The following CBX3 variants were observed in gnomAD, a reference collection of about 807,000 sequenced individuals.
CBX3 encodes chromobox protein homolog 3.
A neutral mutation model predicts 22.6 loss-of-function variants in CBX3; 5 were observed. That is an observed-to-expected ratio of 0.22 (90% CI 0.12 to 0.47). The LOEUF is 0.47. Ranked by LOEUF, CBX3 falls within the 20% of genes least tolerant of loss-of-function variation. The probability of loss-of-function intolerance (pLI) is 0.99; values close to 1 mark genes in which losing one functional copy is unlikely to be tolerated. For missense variants in CBX3, 83 were observed against 208.1 expected (o/e 0.40, Z 3.70); for synonymous variants, 50 against 66.6 (o/e 0.75, Z 1.21).
At chr7:26,203,516 A>G (rs575001172) in intron 2 of CBX3, among the ~76,000 whole-genome samples, 1 of 152,108 alleles carries the variant, frequency 6.6e-6, no homozygotes, top group South Asian at 2.1e-4. Flanking sequence ...TAAAACATAG[A>G]AGAATATTAA....
intron 2 of CBX3, among the ~76,000 whole-genome samples, chr7:26,205,710 C>T (rs950597518): frequency 6.6e-6 from 1 of 152,182 alleles, no homozygotes; most frequent in Non-Finnish European, 1.5e-5. Context: ...ACTTGCTTCT[C>T]TGTATCACCC....
chr7:26,208,309 G>A, intron 3 of CBX3, 84 bp from the exon 4 acceptor site: 2 of 1,108,296 alleles, frequency 1.8e-6, no homozygotes, highest in South Asian at 1.7e-5. Context: ...ATTCCCCCGG[G>A]TGTCTATTAA....
intron 2 of CBX3, among the ~76,000 whole-genome samples, chr7:26,204,121 A>G (rs1290489010): frequency 6.6e-6 from 1 of 152,234 alleles, no homozygotes; most frequent in Non-Finnish European, 1.5e-5. Flanking sequence ...ACTTTTGGAA[A>G]AAAGTGCTGG....
chr7:26,208,330 G>C, intron 3 of CBX3, 63 bp from the exon 4 acceptor site: 1 of 1,333,790 alleles, frequency 7.5e-7, no homozygotes, highest in Non-Finnish European at 1.0e-6. Context: ...AATAGATCTG[G>C]ATAATGGTGA....
intron 4 of CBX3, chr7:26,210,209 C>T (rs376782778): frequency 3.3e-5 from 5 of 152,230 alleles, no homozygotes; most frequent in African/African-American, 1.2e-4. Context: ...AGAAGGATTG[C>T]TTGAGCCTGG....
In CBX3 at chr7:26,201,815, G is replaced by C. The variant is rs1245083703; in HGVS notation, c.-40G>C. The C allele has an allele frequency of 5.2e-6, 1 of 193,912 alleles. No individual in the cohort carries two copies. Among genetic ancestry groups the C allele is most frequent in the African/African-American group, 2.4e-5 (1 of 42,454 alleles). 12.0% of individuals were successfully genotyped at this position (193,912 alleles called of 1,614,324 possible). A position where few individuals can be genotyped will look rare whatever the true frequency, so the allele number is the denominator to read the frequency against. Reference sequence around the variant, plus strand: ...GCAGACCCGCGACCCGGAGCAGCTCGGAGGCGGTGAAGTCGGTGGCTTTCC... The same window carrying C: ...GCAGACCCGCGACCCGGAGCAGCTCCGAGGCGGTGAAGTCGGTGGCTTTCC... On this transcript the variant is annotated 5_prime_UTR_variant, in exon 1 of 6. Transcript: ENST00000396386.
At chr7:26,207,094 A>G (rs557067252) in intron 3 of CBX3, among the ~76,000 whole-genome samples, 1 of 152,300 alleles carries the variant, frequency 6.6e-6, no homozygotes, top group African/African-American at 2.4e-5. Flanking sequence ...TGTTGTGCTT[A>G]TCTGCTTTGA....
chr7:26,203,095 C>G, intron 2 of CBX3, 73 bp downstream of exon 2: 2 of 921,996 alleles, frequency 2.2e-6, no homozygotes, highest in East Asian at 3.7e-5. Flanking sequence ...AACTTTGCAT[C>G]TCTGTGGCTG....
intron 3 of CBX3, among the ~76,000 whole-genome samples, 178 bp downstream of exon 3, chr7:26,206,688 C>G (rs552127686): frequency 6.8e-4 from 103 of 152,286 alleles, no homozygotes; most frequent in African/African-American, 2.5e-3. Flanking sequence ...CTTTATTGTA[C>G]AGTTGAAGGT....
intron 4 of CBX3, among the ~76,000 whole-genome samples, chr7:26,209,509 C>G (rs564905361): frequency 6.6e-6 from 1 of 152,182 alleles, no homozygotes; most frequent in Non-Finnish European, 1.5e-5. Flanking sequence ...GCAAATAGAA[C>G]TTTCTGATTA....
In CBX3 at chr7:26,207,997, C is replaced by T. The variant is rs563325696; in HGVS notation, c.168-396C>T. 6 of 153,268 alleles carry T rather than the reference C, an allele frequency of 3.9e-5. No individual in the cohort carries two copies. In the South Asian group the frequency reaches 1.2e-3, roughly 30 times the overall value. The allele number at this position is 153,268 out of a possible 1,614,324, so 9.5% of individuals were successfully genotyped here. ...GGTCCAAGGCTGGAGGATCACTTGA[C>T]ACCAGGAATTCAAGACCAGCCTGGC... On this transcript the variant is annotated intron_variant, in intron 3 of 5. Coordinates refer to ENST00000396386, the MANE Select transcript of CBX3 (RefSeq NM_016587.4).
intron 5 of CBX3, 30 bp from the exon 6 acceptor site, chr7:26,212,052 G>A (rs780028680): frequency 3.4e-6 from 5 of 1,484,536 alleles, no homozygotes; most frequent in Admixed American, 5.0e-5. Context: ...ACTTCGACTT[G>A]TAACTGAATT....
Position 26,206,359 on chromosome 7 carries a change from T to G in CBX3, c.25-9T>G, listed in dbSNP as rs1245613971. 1 of 660,786 alleles carries G rather than the reference T, an allele frequency of 1.5e-6. No homozygotes were observed. The highest frequency in any genetic ancestry group is 2.2e-6 in the Non-Finnish European group (1 of 462,332). 40.9% of individuals were successfully genotyped at this position (660,786 alleles called of 1,614,324 possible). A position where few individuals can be genotyped will look rare whatever the true frequency, so the allele number is the denominator to read the frequency against. ...AATATTTCTTAATTTCTCTTTTGTT[T>G]TATTTTAGCAAAAAATGGGAAAAAA... On this transcript the variant is annotated splice_polypyrimidine_tract_variant and intron_variant, in intron 2 of 5. Transcript: ENST00000396386.
chr7:26,207,130 C>T (rs921169892), intron 3 of CBX3, among the ~76,000 whole-genome samples: 1 of 152,140 alleles, frequency 6.6e-6, no homozygotes, highest in Non-Finnish European at 1.5e-5. Flanking sequence ...CCACAAAGCT[C>T]CATAGGCAGT....
chr7:26,202,773 T>C (rs994938236), intron 1 of CBX3, 198 bp from the exon 2 acceptor site: 3 of 545,894 alleles, frequency 5.5e-6, no homozygotes, highest in Non-Finnish European at 6.4e-6. Context: ...CAGTAAAGTC[T>C]TTCTAGACTC....
intron 4 of CBX3, among the ~76,000 whole-genome samples, chr7:26,209,758 C>T (rs1784763217): frequency 6.6e-6 from 1 of 152,140 alleles, no homozygotes; most frequent in Non-Finnish European, 1.5e-5. Flanking sequence ...GATTGTAAAA[C>T]AGATTATACT....
chr7:26,206,590 T>C, intron 3 of CBX3, 80 bp downstream of exon 3: 6 of 1,285,452 alleles, frequency 4.7e-6, no homozygotes, highest in South Asian at 1.2e-5. Flanking sequence ...CCTGGCTCTT[T>C]TACCTGCTTT....
Position 26,213,160 on chromosome 7 carries a change from C to G in CBX3, c.*952C>G, listed in dbSNP as rs1307643724. ...GTGTGAACAACCTTTTGTAACCTAA[C>G]CTATTGACCTGCATGTTTTTTCTTT... On this transcript the variant is annotated 3_prime_UTR_variant, in exon 6 of 6. Transcript: ENST00000396386. 6.5e-6 allele frequency: 1 copy of G among 152,690 alleles called. No individual in the cohort carries two copies. Among genetic ancestry groups the G allele is most frequent in the African/African-American group, 2.4e-5 (1 of 41,476 alleles). 9.5% of individuals were successfully genotyped at this position (152,690 alleles called of 1,614,324 possible). A position where few individuals can be genotyped will look rare whatever the true frequency, so the allele number is the denominator to read the frequency against.
chr7:26,208,504 T>C lies in CBX3; in HGVS notation c.279T>C (p.Ser93=), dbSNP rs1433837547. 1 of 1,613,798 alleles carries C rather than the reference T, an allele frequency of 6.2e-7. No homozygotes were observed. The highest frequency in any genetic ancestry group is 8.5e-7 in the Non-Finnish European group (1 of 1,179,828). The change falls in exon 4 of 6, where the codon TCT becomes TCC. Residue 93 remains serine (S), a synonymous_variant. Coordinates refer to ENST00000396386, the MANE Select transcript of CBX3 (RefSeq NM_016587.4). The stretch of plus-strand genomic sequence containing the variant: ...AAAAAGATGGTACAAAAAGAAAATC[T>C]TTATCTGACAGTGAATCTGATGACA... The part of the protein sequence containing the change: ...GKEKDGTKRK[S]LSDSESDDSK...
Sources: gnomAD v4.1 joint callset for allele counts (sites outside exome capture counted in the v4.1 genomes callset) on GRCh38, gnomAD v4.1.1 for gene constraint, MANE v1.5 for transcripts, NCBI Gene and HGNC (gene_info 2026-07-23, HGNC 2026-07-21) for gene names.